The following GNAL variants were observed in gnomAD, a reference collection of about 807,000 sequenced individuals.
The protein encoded by GNAL is guanine nucleotide-binding protein G(olf) subunit alpha.
Under a neutral mutation model 55.1 loss-of-function variants are expected in GNAL, and 18 were observed. That is an observed-to-expected ratio of 0.33 (90% CI 0.23 to 0.48). The LOEUF (loss-of-function observed/expected upper bound fraction) is 0.48, where lower values mean the gene tolerates loss of function less well. Ranked by LOEUF, GNAL falls within the 20% of genes least tolerant of loss-of-function variation. The pLI is 0.99. For missense variants in GNAL, 412 were observed against 614.1 expected (o/e 0.67, Z 3.48); for synonymous variants, 253 against 237.0 (o/e 1.07, Z -0.62).
chr18:11,701,104 G>C (rs2031556898), intron 1 of GNAL, among the ~76,000 whole-genome samples: 2 of 152,186 alleles, frequency 1.3e-5, no homozygotes, highest in Non-Finnish European at 2.9e-5. Flanking sequence ...GAACCTAAGA[G>C]AAAAATACCA....
At chr18:11,692,304 G>A (rs2143280515) in intron 1 of GNAL, among the ~76,000 whole-genome samples, 1 of 152,298 alleles carries the variant, frequency 6.6e-6, no homozygotes, top group Admixed American at 6.5e-5. Flanking sequence ...AAACCTAGCT[G>A]TTGTATCCTG....
At chr18:11,747,708 TA>T (rs1340868254) in intron 1 of GNAL, 345 of 140,552 alleles carry the variant, frequency 2.5e-3, no homozygotes, top group Non-Finnish European at 2.3e-3. Context: ...AGTCTTAAAT[TA>T]AAAAAAAAAA....
Position 11,882,712 on chromosome 18 carries a change from G to C in GNAL, c.*1577G>C, listed in dbSNP as rs1029513042. The C allele has an allele frequency of 2.0e-5, 3 of 147,786 alleles. No individual in the cohort carries two copies. The highest frequency in any genetic ancestry group is 1.5e-5 in the Non-Finnish European group (1 of 67,410). The allele number at this position is 147,786 out of a possible 1,614,324, so 9.2% of individuals were successfully genotyped here. ...AAAAAAAAAAAAAAAAAACCTTGAC[G>C]TGTCAATGTTTGTGTCTGGCCTAGG... is the stretch of plus-strand genomic sequence containing the variant. On this transcript the variant is annotated 3_prime_UTR_variant, in exon 12 of 12. Coordinates refer to ENST00000334049, the MANE Select transcript of GNAL (RefSeq NM_182978.4).
In GNAL at chr18:11,854,131, C is replaced by T. The variant is rs1019421858; in HGVS notation, c.723-8264C>T. The T allele has an allele frequency of 1.8e-5, 3 of 166,824 alleles. No homozygotes were observed. The Admixed American group carries it at 2.0e-4, about 11-fold the overall frequency. The allele number at this position is 166,824 out of a possible 1,614,324, so 10.3% of individuals were successfully genotyped here. A position where few individuals can be genotyped will look rare whatever the true frequency, so the allele number is the denominator to read the frequency against. ...TGAGCCACTGCACCTGGCCTTAACC[C>T]CTCTTTAGATTGGAAAAAATAATTA... is the stretch of plus-strand genomic sequence containing the variant. On this transcript the variant is annotated intron_variant, in intron 5 of 11. Coordinates refer to ENST00000334049, the MANE Select transcript of GNAL (RefSeq NM_182978.4).
In GNAL at chr18:11,884,108, TG is replaced by T; in HGVS notation, c.*2977del. On this transcript the variant is annotated 3_prime_UTR_variant, in exon 12 of 12. Coordinates refer to ENST00000334049, the MANE Select transcript of GNAL (RefSeq NM_182978.4). ...TATACACATAATCCCAAGTGTGTGC[TG>T]GGGCCACCAGGCCCTTCCTGGGGGA... 4.1e-6 allele frequency: 1 copy of T among 244,506 alleles called. No homozygotes were observed. Among genetic ancestry groups the T allele is most frequent in the South Asian group, 6.1e-5 (1 of 16,460 alleles). The allele number at this position is 244,506 out of a possible 1,614,324, so 15.1% of individuals were successfully genotyped here.
intron 1 of GNAL, among the ~76,000 whole-genome samples, chr18:11,700,674 G>A (rs182956741): frequency 1.3e-5 from 2 of 152,360 alleles, no homozygotes; most frequent in African/African-American, 4.8e-5. Context: ...ATGGAGGATC[G>A]AGGAAGACAG....
intron 4 of GNAL, among the ~76,000 whole-genome samples, chr18:11,797,758 T>C (rs1568032128): frequency 6.6e-6 from 1 of 151,476 alleles, no homozygotes; most frequent in African/African-American, 2.4e-5. Context: ...GGTGAGACCT[T>C]GTCTCACAGA....
chr18:11,788,919 A>ATATATG lies in GNAL; in HGVS notation c.624+34979_624+34980insGTATAT, dbSNP rs1169957252. ...CTCGAAAAAAAAAAAAAAAAAATAT[A>ATATATG]TATATATATATATATATACACATAT... On this transcript the variant is annotated intron_variant, in intron 4 of 11. Coordinates refer to ENST00000334049, the MANE Select transcript of GNAL (RefSeq NM_182978.4). 4.5e-4 allele frequency among the ~76,000 whole-genome samples: 57 copies of ATATATG among 125,868 alleles called. 1 individual carries two copies. The highest frequency in any genetic ancestry group is 1.6e-3 in the African/African-American group (55 of 33,988). The allele number at this position is 125,868 out of a possible 152,430, so 82.6% of individuals were successfully genotyped here. A position where few individuals can be genotyped will look rare whatever the true frequency, so the allele number is the denominator to read the frequency against.
intron 4 of GNAL, among the ~76,000 whole-genome samples, chr18:11,813,875 G>A (rs1004611614): frequency 4.0e-5 from 6 of 151,894 alleles, no homozygotes; most frequent in African/African-American, 1.5e-4. Context: ...AAGACCCTGT[G>A]TCTAAAACAA....
At chr18:11,741,685 C>A (rs2032579473) in intron 1 of GNAL, among the ~76,000 whole-genome samples, 1 of 152,194 alleles carries the variant, frequency 6.6e-6, no homozygotes, top group South Asian at 2.1e-4. Flanking sequence ...AAAAGCACCT[C>A]AGAGCCTCCA....
intron 4 of GNAL, among the ~76,000 whole-genome samples, chr18:11,776,230 T>C (rs1327537665): frequency 6.6e-6 from 1 of 152,252 alleles, no homozygotes; most frequent in African/African-American, 2.4e-5. Flanking sequence ...CTAGCCACTT[T>C]GGCTCTGACG....
chr18:11,772,593 A>G (rs888324312), intron 4 of GNAL, among the ~76,000 whole-genome samples: 1 of 152,166 alleles, frequency 6.6e-6, no homozygotes, highest in Non-Finnish European at 1.5e-5. Flanking sequence ...GTCTGATCCA[A>G]GACTTCCTCT....
chr18:11,705,174 A>G (rs541951102), intron 1 of GNAL, among the ~76,000 whole-genome samples: 2 of 152,280 alleles, frequency 1.3e-5, no homozygotes, highest in Non-Finnish European at 2.9e-5. Flanking sequence ...GAGTTTGACT[A>G]TTACAAGTCC....
intron 5 of GNAL, chr18:11,857,548 A>G: frequency 1.0e-6 from 1 of 985,482 alleles, no homozygotes; most frequent in South Asian, 4.7e-5. Context: ...ATGAGAAATG[A>G]TGGTTCAGGC....
rs10083973 is a variant in GNAL, at chr18:11,884,938, C to T, written c.*3803C>T. The T allele has an allele frequency of 6.2e-3, 7,995 of 1,287,220 alleles. 390 individuals carry two copies. The African/African-American group carries it at 0.11, about 17-fold the overall frequency. 79.7% of individuals were successfully genotyped at this position (1,287,220 alleles called of 1,614,324 possible). ...ATCAAATATAGTGGGGGATCCATAA[C>T]AGAGATTCAGAGAGGCACCGTGGAG... On this transcript the variant is annotated 3_prime_UTR_variant, in exon 12 of 12. Coordinates refer to ENST00000334049, the MANE Select transcript of GNAL (RefSeq NM_182978.4).
intron 4 of GNAL, among the ~76,000 whole-genome samples, chr18:11,778,731 T>TAAA (rs1391154590): frequency 6.6e-6 from 1 of 152,132 alleles, no homozygotes; most frequent in Admixed American, 6.5e-5. Context: ...AACCCATTTT[T>TAAA]ATCAGTTCCC....
intron 5 of GNAL, among the ~76,000 whole-genome samples, chr18:11,836,147 A>C (rs2035493741): frequency 6.6e-6 from 1 of 151,594 alleles, no homozygotes; most frequent in Admixed American, 6.6e-5. Context: ...CCCTGTCGCA[A>C]AAAATAATAC....
chr18:11,880,972 C>G lies in GNAL; in HGVS notation c.1231-17C>G, dbSNP rs1476536727. ...GCTGGGGCCGCGCAGGGCTAGTGCA[C>G]ACGCTCTCTCTTGCAGAGGATCAGC... On this transcript the variant is annotated splice_polypyrimidine_tract_variant and intron_variant, in intron 11 of 11. Transcript: ENST00000334049. The G allele has an allele frequency of 1.2e-6, 2 of 1,611,876 alleles. No homozygotes were observed. The highest frequency in any genetic ancestry group is 1.3e-5 in the African/African-American group (1 of 74,910).
At chr18:11,793,182 T>G (rs528818858) in intron 4 of GNAL, among the ~76,000 whole-genome samples, 1 of 151,300 alleles carries the variant, frequency 6.6e-6, no homozygotes, top group South Asian at 2.1e-4. Context: ...ATTTTAAAAT[T>G]TGTGCATCAA....
Sources: allele counts gnomAD v4.1 joint callset (sites outside exome capture counted in the v4.1 genomes callset), GRCh38; gene constraint gnomAD v4.1.1; transcripts MANE v1.5; gene names NCBI Gene and HGNC (gene_info 2026-07-23, HGNC 2026-07-21).